The following MSH6 variants were observed in gnomAD, a reference collection of about 807,000 sequenced individuals.
MSH6 encodes mutS homolog 6.
Under a neutral mutation model 119.1 loss-of-function variants are expected in MSH6, and 85 were observed. The ratio of observed to expected loss-of-function variants is 0.71; its 90% CI spans 0.60 to 0.85. MSH6 has a LOEUF of 0.85. MSH6 is among the 40% of genes least tolerant of loss of function. MSH6 has a pLI of 0.00. For missense variants in MSH6, 2,163 were observed against 1,655.3 expected (o/e 1.31, Z -5.32); for synonymous variants, 830 against 586.9 (o/e 1.41, Z -5.99).
Position 47,803,665 on chromosome 2 carries a change from A to C in MSH6, c.3418A>C (p.Lys1140Gln), listed in dbSNP as rs2104485766. 6.2e-7 allele frequency: 1 copy of C among 1,614,228 alleles called. No homozygotes were observed. The highest frequency in any genetic ancestry group is 8.5e-7 in the Non-Finnish European group (1 of 1,180,042). Residue 1140 changes from lysine (K) to glutamine (Q), a missense_variant, in exon 5 of 10, where the codon AAG becomes CAG. Transcript: ENST00000234420. The stretch of plus-strand genomic sequence containing the variant: ...TGTTACTGGACCAAATATGGGGGGC[A>C]AGTCTACGCTTATGAGACAGGTAAC... ...VLVTGPNMGGKSTLMRQAGLL... is the reference protein window; with the variant it reads ...VLVTGPNMGGQSTLMRQAGLL...
At chr2:47,798,288 T>G (rs978408174) in intron 3 of MSH6, among the ~76,000 whole-genome samples, 1 of 152,194 alleles carries the variant, frequency 6.6e-6, no homozygotes, top group Non-Finnish European at 1.5e-5. Flanking sequence ...ATCCACAACT[T>G]ATGATGGGGT....
At chr2:47,798,093 AT>A (rs962365265) in intron 3 of MSH6, 49 of 197,744 alleles carry the variant, frequency 2.5e-4, no homozygotes, top group African/African-American at 8.7e-4. Context: ...AAGTCCAGAG[AT>A]TTTTTTTCCA....
chr2:47,799,171 CTA>C lies in MSH6; in HGVS notation c.1190_1191del (p.Tyr397CysfsTer3), dbSNP rs63750439. The C allele has an allele frequency of 1.2e-6, 2 of 1,614,168 alleles. No individual in the cohort carries two copies. Among genetic ancestry groups the C allele is most frequent in the Admixed American group, 1.7e-5 (1 of 60,028 alleles). On this transcript the variant is annotated frameshift_variant, in exon 4 of 10. Coordinates refer to ENST00000234420, the MANE Select transcript of MSH6 (RefSeq NM_000179.3). LOFTEE classifies it high-confidence loss of function. ...ACCCCGATTTTGATGCATCTACACT[CTA>C]TGTGCCTGAGGATTTCCTCAATTCT... Reference protein sequence around the residue: ...DHPDFDASTLYVPEDFLNSCT... With the variant: ...DHPDFDASTLXVPEDFLNSCT...
At chr2:47,795,858 C>T (rs370516657) in intron 2 of MSH6, 36 bp from the exon 3 acceptor site, 1 of 1,597,426 alleles carries the variant, frequency 6.3e-7, no homozygotes, top group Non-Finnish European at 8.6e-7. Context: ...GCCTCTGCAC[C>T]CGGCCCTTAT....
intron 2 of MSH6, among the ~76,000 whole-genome samples, chr2:47,794,633 G>A (rs140136485): frequency 7.2e-5 from 11 of 152,226 alleles, no homozygotes; most frequent in African/African-American, 2.6e-4. Flanking sequence ...CGTTGAGTCT[G>A]AACTGGGCTG....
Position 47,790,436 on chromosome 2 carries a change from A to G in MSH6, c.261-491A>G, listed in dbSNP as rs1349022260. ...AATAGAGTATTAGGTAGCTTTTGGA[A>G]TACATAGGAGTGTAACTGGAAAAAG... On this transcript the variant is annotated intron_variant, in intron 1 of 9. Coordinates refer to ENST00000234420, the MANE Select transcript of MSH6 (RefSeq NM_000179.3). Among the ~76,000 whole-genome samples, 3 of 152,178 alleles carry G rather than the reference A, an allele frequency of 2.0e-5. No individual in the cohort carries two copies. In the East Asian group the frequency reaches 5.8e-4, roughly 29 times the overall value.
At chr2:47,797,783 T>C in intron 3 of MSH6, 1 of 199,234 alleles carries the variant, frequency 5.0e-6, no homozygotes, top group South Asian at 1.0e-4. Context: ...GATGTTATTG[T>C]CTTCATAGTA....
chr2:47,799,194 A>G lies in MSH6; in HGVS notation c.1211A>G (p.Asn404Ser), dbSNP rs768740986. The change falls in exon 4 of 10, where the codon AAT becomes AGT. Residue 404 changes from asparagine to serine, a missense_variant. Transcript: ENST00000234420. ...STLYVPEDFLNSCTPGMRKWW... is the reference protein window; with the variant it reads ...STLYVPEDFLSSCTPGMRKWW... ...CTCTATGTGCCTGAGGATTTCCTCAATTCTTGTACTCCTGGGATGAGGAAG... is the reference window on the plus strand; with the variant it reads ...CTCTATGTGCCTGAGGATTTCCTCAGTTCTTGTACTCCTGGGATGAGGAAG... The G allele has an allele frequency of 8.1e-6, 13 of 1,614,052 alleles. No homozygotes were observed. The highest frequency in any genetic ancestry group is 2.2e-5 in the East Asian group (1 of 44,896).
In MSH6 at chr2:47,805,657, G is replaced by C. The variant is rs773185557; in HGVS notation, c.3596G>C (p.Ser1199Thr). The C allele has an allele frequency of 6.2e-7, 1 of 1,613,332 alleles. No homozygotes were observed. Among genetic ancestry groups the C allele is most frequent in the Non-Finnish European group, 8.5e-7 (1 of 1,179,564 alleles). Residue 1199 changes from serine to threonine, a missense_variant, in exon 7 of 10, where the codon AGC becomes ACC. Ser to Thr is a moderately conservative substitution (Grantham distance 58). Coordinates refer to ENST00000234420, the MANE Select transcript of MSH6 (RefSeq NM_000179.3). ...TFFVELSETA[S>T]ILMHATAHSL... ...TTTGTTGAATTAAGTGAAACTGCCA[G>C]CATACTCATGCATGCAACAGCACAT...
chr2:47,796,320 A>G (rs1284459527), intron 3 of MSH6, among the ~76,000 whole-genome samples: 2 of 152,190 alleles, frequency 1.3e-5, no homozygotes, highest in East Asian at 3.9e-4. Context: ...CCATTTTGGT[A>G]AGAAGTAGAG....
chr2:47,798,511 G>C (rs1406301755), intron 3 of MSH6, 100 bp from the exon 4 acceptor site: 1 of 1,230,348 alleles, frequency 8.1e-7, no homozygotes, highest in Admixed American at 2.0e-5. Flanking sequence ...GTGGCTGCAC[G>C]GGTACCATTA....
Position 47,803,410 on chromosome 2 carries a change from C to CTTTT in MSH6, c.3173-9_3173-6dup, listed in dbSNP as rs1558386727. On this transcript the variant is annotated splice_polypyrimidine_tract_variant and intron_variant, in intron 4 of 9. Transcript: ENST00000234420. ...CGATGAAGCCTCACTTTTACCCTCT[C>CTTTT]TTTTAACAGATGTTTTACTGTGCCT... is the stretch of plus-strand genomic sequence containing the variant. 1.9e-6 allele frequency: 3 copies of CTTTT among 1,614,154 alleles called. No homozygotes were observed. Among genetic ancestry groups the CTTTT allele is most frequent in the East Asian group, 2.2e-5 (1 of 44,884 alleles).
rs779720344 is a variant in MSH6, at chr2:47,806,373, T to G, written c.3801+15T>G. The G allele has an allele frequency of 1.2e-6, 2 of 1,613,874 alleles. No individual in the cohort carries two copies. Among genetic ancestry groups the G allele is most frequent in the Non-Finnish European group, 8.5e-7 (1 of 1,179,870 alleles). ...TAGGACATATGGTATGTGCAAATTGTTTTTTTCCACAAATTCGGTTTTTTG... is the reference window on the plus strand; with the variant it reads ...TAGGACATATGGTATGTGCAAATTGGTTTTTTCCACAAATTCGGTTTTTTG... On this transcript the variant is annotated intron_variant, in intron 8 of 9. Transcript: ENST00000234420.
intron 1 of MSH6, among the ~76,000 whole-genome samples, chr2:47,786,163 G>C (rs1170744336): frequency 1.3e-5 from 2 of 152,190 alleles, no homozygotes; most frequent in African/African-American, 4.8e-5. Flanking sequence ...ATTATAGTGA[G>C]AGTGGGAAGC....
chr2:47,800,715 G>C lies in MSH6; in HGVS notation c.2732G>C (p.Arg911Pro), dbSNP rs761622304. The C allele has an allele frequency of 2.5e-6, 4 of 1,614,026 alleles. No homozygotes were observed. The highest frequency in any genetic ancestry group is 3.4e-6 in the Non-Finnish European group (4 of 1,180,032). ...RFPDLTVELN[R>P]WDTAFDHEKA... is the part of the protein sequence containing the mutation. ...CCTGATTTGACTGTAGAATTGAACC[G>C]ATGGGATACAGCCTTTGACCATGAA... The change falls in exon 4 of 10, where the codon CGA becomes CCA. Residue 911 changes from arginine (R) to proline (P), a missense_variant. Transcript: ENST00000234420.
In MSH6 at chr2:47,798,716, A is replaced by T. The variant is rs762168786; in HGVS notation, c.733A>T (p.Ile245Leu). The T allele has an allele frequency of 1.5e-5, 25 of 1,614,080 alleles. 1 individual carries two copies. In the Middle Eastern group the frequency reaches 3.3e-3, roughly 212 times the overall value. The change falls in exon 4 of 10, where the codon ATA becomes TTA. Residue 245 changes from isoleucine to leucine, a missense_variant. Physicochemically the swap from Ile to Leu is conservative, Grantham distance 5. Transcript: ENST00000234420. The stretch of plus-strand genomic sequence containing the variant: ...AGGATCTAGGCGAAGTAGCCGCCAA[A>T]TAAAAAAACGAAGGGTCATATCAGA... ...TQGSRRSSRQIKKRRVISDSE... is the reference protein window; with the variant it reads ...TQGSRRSSRQLKKRRVISDSE...
At chr2:47,807,007 T>G (rs528529822), downstream of MSH6, 335 of 683,184 alleles carry the variant, frequency 4.9e-4, 8 homozygotes, top group South Asian at 3.9e-3. Flanking sequence ...CTTATCTACC[T>G]TCTACATAAT....
Position 47,791,057 on chromosome 2 carries a change from G to A in MSH6, c.391G>A (p.Val131Ile), listed in dbSNP as rs765060096. The change falls in exon 2 of 10, where the codon GTA (valine) becomes ATA (isoleucine). Residue 131 changes from valine to isoleucine, a missense_variant. By Grantham distance (29) the Val-to-Ile change is conservative. Coordinates refer to ENST00000234420, the MANE Select transcript of MSH6 (RefSeq NM_000179.3). ...REKGKSVRVH[V>I]QFFDDSPTRG... ...GAAAGGGAAATCAGTCCGTGTTCAT[G>A]TACAGTTTTTTGATGACAGCCCAAC... is the stretch of plus-strand genomic sequence containing the variant. 1 of 1,614,230 alleles carries A rather than the reference G, an allele frequency of 6.2e-7. No homozygotes were observed. Among genetic ancestry groups the A allele is most frequent in the African/African-American group, 1.3e-5 (1 of 75,064 alleles).
In MSH6 at chr2:47,806,483, C is replaced by A. The variant is rs201191389; in HGVS notation, c.3833C>A (p.Pro1278His). 12 of 1,613,974 alleles carry A rather than the reference C, an allele frequency of 7.4e-6. No homozygotes were observed. The highest frequency in any genetic ancestry group is 1.0e-5 in the Non-Finnish European group (12 of 1,179,970). Residue 1278 changes from proline to histidine, a missense_variant, in exon 9 of 10, where the codon CCC becomes CAC. Physicochemically the swap from Pro to His is moderately conservative, Grantham distance 77. Coordinates refer to ENST00000234420, the MANE Select transcript of MSH6 (RefSeq NM_000179.3). ...ACMVENECED[P>H]SQETITFLYK... ...ATGGTAGAAAATGAATGTGAAGACCCCAGCCAGGAGACTATTACGTTCCTC... is the reference window on the plus strand; with the variant it reads ...ATGGTAGAAAATGAATGTGAAGACCACAGCCAGGAGACTATTACGTTCCTC...
Sources: allele counts gnomAD v4.1 joint callset (sites outside exome capture counted in the v4.1 genomes callset), GRCh38; gene constraint gnomAD v4.1.1; transcripts MANE v1.5; gene names NCBI Gene and HGNC (gene_info 2026-07-23, HGNC 2026-07-21).